The following GSE1 variants were observed in gnomAD, a reference collection of about 807,000 sequenced individuals.
GSE1 encodes genetic suppressor element 1.
A neutral mutation model predicts 112.6 loss-of-function variants in GSE1; 32 were observed. The ratio of observed to expected loss-of-function variants is 0.28; its 90% CI spans 0.21 to 0.38. The LOEUF (loss-of-function observed/expected upper bound fraction) is 0.38, where lower values mean the gene tolerates loss of function less well. GSE1 is among the 10% of genes least tolerant of loss of function. The pLI is 1.00. For synonymous variants in GSE1, 1,115 were observed against 735.6 expected (o/e 1.52, Z -8.35); for missense variants, 2,348 against 1,699.2 (o/e 1.38, Z -6.71).
At chr16:85,354,188 G>A (rs1392905646) in intron 1 of GSE1, among the ~76,000 whole-genome samples, 1 of 152,128 alleles carries the variant, frequency 6.6e-6, no homozygotes, top group Non-Finnish European at 1.5e-5. Flanking sequence ...CTCCCCCGGT[G>A]GTATTCCCTC....
intron 2 of GSE1, among the ~76,000 whole-genome samples, chr16:85,640,386 CG>C (rs1314370159): frequency 6.6e-6 from 1 of 152,240 alleles, no homozygotes; most frequent in African/African-American, 2.4e-5. Flanking sequence ...GCCACAGGGA[CG>C]GGGCCGACAG....
chr16:85,579,401 CT>C (rs2046357234), intron 1 of GSE1, among the ~76,000 whole-genome samples: 1 of 152,200 alleles, frequency 6.6e-6, no homozygotes, highest in Non-Finnish European at 1.5e-5. Flanking sequence ...CTGAAGCCAA[CT>C]TGGGGAGGGC....
At chr16:85,186,128 C>G (rs1567596904) in intron 1 of GSE1, among the ~76,000 whole-genome samples, 1 of 152,186 alleles carries the variant, frequency 6.6e-6, no homozygotes, top group African/African-American at 2.4e-5. Flanking sequence ...GAGACTGACC[C>G]TCCACCCATC....
At chr16:85,397,493 AC>A (rs1163145549) in intron 2 of GSE1, among the ~76,000 whole-genome samples, 2 of 152,174 alleles carry the variant, frequency 1.3e-5, no homozygotes, top group Non-Finnish European at 2.9e-5. Context: ...TTGTCACGGT[AC>A]TAAATCTGGA....
At chr16:85,461,811 G>A (rs1301889157) in intron 2 of GSE1, among the ~76,000 whole-genome samples, 1 of 151,866 alleles carries the variant, frequency 6.6e-6, no homozygotes, top group African/African-American at 2.4e-5. Flanking sequence ...CCATCCCCGC[G>A]GCTGGGCCCC....
intron 2 of GSE1, among the ~76,000 whole-genome samples, chr16:85,404,567 T>C (rs866162001): frequency 1.2e-3 from 55 of 46,846 alleles, no homozygotes; most frequent in Admixed American, 2.4e-3. Flanking sequence ...AGGGCCCCCC[T>C]GGATAATCCT....
chr16:85,464,346 G>T (rs951297996), intron 2 of GSE1, among the ~76,000 whole-genome samples: 2 of 152,166 alleles, frequency 1.3e-5, no homozygotes, highest in East Asian at 1.9e-4. Context: ...GGGCCGGGGT[G>T]GGGGGCAGCC....
At chr16:85,585,752 A>C (rs2151406215) in intron 1 of GSE1, among the ~76,000 whole-genome samples, 1 of 152,282 alleles carries the variant, frequency 6.6e-6, no homozygotes, top group East Asian at 1.9e-4. Context: ...CGATGACACG[A>C]GCATCATCCC....
At chr16:85,196,564 G>A (rs1330332115) in intron 1 of GSE1, among the ~76,000 whole-genome samples, 1 of 152,136 alleles carries the variant, frequency 6.6e-6, no homozygotes, top group African/African-American at 2.4e-5. Flanking sequence ...GGGGAGTTTG[G>A]AGAGTTTTCT....
chr16:85,646,253 G>A (rs573867082), intron 2 of GSE1, among the ~76,000 whole-genome samples: 11 of 152,300 alleles, frequency 7.2e-5, no homozygotes, highest in East Asian at 3.9e-4. Context: ...CTTCTACCAC[G>A]CATTCTACTT....
chr16:85,268,231 T>C, intron 1 of GSE1, among the ~76,000 whole-genome samples: 1 of 56,688 alleles, frequency 1.8e-5, no homozygotes, highest in South Asian at 4.7e-4. Flanking sequence ...TGGCACAAGG[T>C]GTGGCACAAG....
chr16:85,588,057 C>G (rs552600946), intron 1 of GSE1, among the ~76,000 whole-genome samples: 1 of 152,350 alleles, frequency 6.6e-6, no homozygotes, highest in South Asian at 2.1e-4. Context: ...CCTCCTCTTT[C>G]CAGAGGCCAG....
At position 85,666,269 on chromosome 16, in the gene GSE1, T is replaced by G. The variant is rs1567761166; in HGVS notation, c.3052T>G (p.Phe1018Val). The change falls in exon 13 of 16, where the codon TTT (phenylalanine) becomes GTT (valine). Residue 1018 changes from phenylalanine to valine, a missense_variant. Coordinates refer to ENST00000253458, the MANE Select transcript of GSE1 (RefSeq NM_014615.5). The part of the protein sequence containing the change: ...TNGKSKPWEP[F>V]VAEEFAHQFH... Reference sequence around the variant, plus strand: ...TGGGAAGAGCAAGCCGTGGGAGCCCTTTGTGGCAGAAGAGTTTGCACATCA... The same window carrying G: ...TGGGAAGAGCAAGCCGTGGGAGCCCGTTGTGGCAGAAGAGTTTGCACATCA... 6.2e-7 allele frequency: 1 copy of G among 1,613,868 alleles called. No individual in the cohort carries two copies. The highest frequency in any genetic ancestry group is 8.5e-7 in the Non-Finnish European group (1 of 1,180,016).
chr16:85,357,443 T>A (rs936762878), intron 1 of GSE1: 5 of 1,198,526 alleles, frequency 4.2e-6, no homozygotes, highest in Non-Finnish European at 4.2e-6. Flanking sequence ...GCTCACTGTG[T>A]CCACCTCTTT....
intron 2 of GSE1, among the ~76,000 whole-genome samples, chr16:85,424,002 C>T (rs1162210834): frequency 6.6e-6 from 1 of 152,240 alleles, no homozygotes; most frequent in Non-Finnish European, 1.5e-5. Flanking sequence ...AGTCCCTCCT[C>T]AGCCCTCACC....
chr16:85,428,239 C>G (rs2049036806), intron 2 of GSE1, among the ~76,000 whole-genome samples: 1 of 152,238 alleles, frequency 6.6e-6, no homozygotes, highest in African/African-American at 2.4e-5. Context: ...AAGGTCCAGC[C>G]CCGGCCCTGG....
chr16:85,541,185 C>T (rs1031216985), intron 2 of GSE1, among the ~76,000 whole-genome samples: 1 of 152,150 alleles, frequency 6.6e-6, no homozygotes, highest in African/African-American at 2.4e-5. Context: ...AGAAGCCATC[C>T]AGGGAGGCTG....
In GSE1 at chr16:85,661,462, C is replaced by T. The variant is rs1266602755; in HGVS notation, c.1957C>T (p.Pro653Ser). The T allele has an allele frequency of 6.2e-7, 1 of 1,611,442 alleles. No individual in the cohort carries two copies. Residue 653 changes from proline (P) to serine (S), a missense_variant, in exon 9 of 16, where the codon CCG becomes TCG. Transcript: ENST00000253458. The part of the protein sequence containing the change: ...PAPLDKYQPP[P>S]PPPREGGSLE... Reference sequence around the variant, plus strand: ...CCCTCTGGACAAGTACCAGCCACCTCCGCCGCCACCACGAGAGGGAGGGAG... The same window carrying T: ...CCCTCTGGACAAGTACCAGCCACCTTCGCCGCCACCACGAGAGGGAGGGAG...
chr16:85,671,725 C>G (rs2053357667), intron 15 of GSE1: 1 of 153,370 alleles, frequency 6.5e-6, no homozygotes, highest in South Asian at 2.0e-4. Context: ...CTGTATCAGT[C>G]TCCTCTACCG....
Sources: gnomAD v4.1 joint callset for allele counts (sites outside exome capture counted in the v4.1 genomes callset) on GRCh38, gnomAD v4.1.1 for gene constraint, MANE v1.5 for transcripts, NCBI Gene and HGNC (gene_info 2026-07-23, HGNC 2026-07-21) for gene names.